The following CTNNA2 variants were observed in gnomAD, a reference collection of about 807,000 sequenced individuals.
CTNNA2 encodes catenin alpha-2.
Under a neutral mutation model 101.0 loss-of-function variants are expected in CTNNA2, and 42 were observed. The ratio of observed to expected loss-of-function variants is 0.42; its 90% CI spans 0.32 to 0.54. CTNNA2 has a LOEUF of 0.54. Among genes scored for constraint, CTNNA2 ranks in the 20% least tolerant of loss-of-function variants. The pLI is 0.14. For synonymous variants in CTNNA2, 450 were observed against 456.4 expected, an observed-to-expected ratio of 0.99 and a Z score of 0.18; for missense variants, 871 against 1,223.1, an observed-to-expected ratio of 0.71 and a Z score of 4.29.
At chr2:79,891,380 A>T (rs1236779236) in intron 6 of CTNNA2, among the ~76,000 whole-genome samples, 1 of 152,234 alleles carries the variant, frequency 6.6e-6, no homozygotes. Flanking sequence ...TATATATTTC[A>T]AAGATTTTAA....
intron 4 of CTNNA2, among the ~76,000 whole-genome samples, chr2:79,386,491 C>G (rs1050619752): frequency 6.6e-6 from 1 of 152,198 alleles, no homozygotes; most frequent in South Asian, 2.1e-4. Flanking sequence ...CCACAATATC[C>G]TCCTCTAAAA....
intron 9 of CTNNA2, among the ~76,000 whole-genome samples, chr2:80,431,695 C>G (rs1681523503): frequency 6.6e-6 from 1 of 152,116 alleles, no homozygotes; most frequent in African/African-American, 2.4e-5. Context: ...TATTGTACTC[C>G]CATAACTTAG....
At chr2:79,908,372 C>T (rs1341557575) in intron 6 of CTNNA2, among the ~76,000 whole-genome samples, 1 of 152,120 alleles carries the variant, frequency 6.6e-6, no homozygotes. Context: ...GGCAATTGCA[C>T]CATAGTATTC....
chr2:80,255,284 A>C (rs1047020026), intron 7 of CTNNA2, among the ~76,000 whole-genome samples: 1 of 152,138 alleles, frequency 6.6e-6, no homozygotes, highest in Non-Finnish European at 1.5e-5. Context: ...TTAAGAACAG[A>C]ACGTGTGATT....
intron 1 of CTNNA2, among the ~76,000 whole-genome samples, chr2:79,590,198 T>C (rs1394058495): frequency 6.6e-6 from 1 of 152,210 alleles, no homozygotes; most frequent in Admixed American, 6.5e-5. Context: ...GAGCTTTTCC[T>C]CTAGCAACTT....
chr2:79,964,859 A>G (rs2974132), intron 7 of CTNNA2, among the ~76,000 whole-genome samples: 89,853 of 151,978 alleles, frequency 0.59, 26,956 homozygotes, highest in African/African-American at 0.67. Context: ...ATGATAACCC[A>G]GGGATCCCCT....
intron 3 of CTNNA2, among the ~76,000 whole-genome samples, chr2:79,329,948 G>A (rs1676833419): frequency 1.3e-5 from 2 of 152,136 alleles, no homozygotes; most frequent in African/African-American, 4.8e-5. Flanking sequence ...CAGGGTGGGT[G>A]CCTCCAAGGC....
At chr2:79,523,002 T>C (rs1227968096) in intron 1 of CTNNA2, among the ~76,000 whole-genome samples, 2 of 152,108 alleles carry the variant, frequency 1.3e-5, no homozygotes, top group African/African-American at 4.8e-5. Context: ...TGAATTTCTT[T>C]CCCCCCGTGA....
At chr2:79,653,034 C>T (rs544779468) in intron 2 of CTNNA2, among the ~76,000 whole-genome samples, 1 of 152,144 alleles carries the variant, frequency 6.6e-6, no homozygotes, top group East Asian at 1.9e-4. Flanking sequence ...TCCCAAAATG[C>T]AATGGAGGGA....
chr2:80,448,829 G>A (rs1264863492), intron 9 of CTNNA2, among the ~76,000 whole-genome samples: 1 of 152,064 alleles, frequency 6.6e-6, no homozygotes, highest in African/African-American at 2.4e-5. Context: ...TGAAATGGTG[G>A]CTTGACAGGG....
At chr2:79,609,729 A>C (rs1158363197) in intron 1 of CTNNA2, among the ~76,000 whole-genome samples, 2 of 152,122 alleles carry the variant, frequency 1.3e-5, no homozygotes, top group African/African-American at 4.8e-5. Flanking sequence ...ATGGTGCCGG[A>C]ACAGTTGTAT....
At chr2:79,193,277 A>G (rs1673898735) in intron 1 of CTNNA2, among the ~76,000 whole-genome samples, 1 of 152,172 alleles carries the variant, frequency 6.6e-6, no homozygotes, top group Non-Finnish European at 1.5e-5. Context: ...CACATGCCTC[A>G]TAATGTTTTG....
intron 7 of CTNNA2, among the ~76,000 whole-genome samples, chr2:80,235,758 G>A (rs997539299): frequency 3.3e-5 from 5 of 152,132 alleles, no homozygotes; most frequent in African/African-American, 9.7e-5. Context: ...CCTTAGGGTC[G>A]CACCATAAAT....
intron 3 of CTNNA2, among the ~76,000 whole-genome samples, chr2:79,810,532 T>C (rs1009886194): frequency 1.3e-5 from 2 of 151,954 alleles, no homozygotes; most frequent in South Asian, 2.1e-4. Context: ...TTTTCTTTTT[T>C]TTTTTTTGTT....
intron 4 of CTNNA2, among the ~76,000 whole-genome samples, chr2:79,445,636 A>G (rs1275881880): frequency 6.6e-6 from 1 of 152,142 alleles, no homozygotes; most frequent in Non-Finnish European, 1.5e-5. Flanking sequence ...GTTCTAAGCT[A>G]TTAATTGTGG....
intron 9 of CTNNA2, among the ~76,000 whole-genome samples, chr2:80,438,046 A>G (rs1453514769): frequency 6.6e-6 from 1 of 152,170 alleles, no homozygotes; most frequent in South Asian, 2.1e-4. Flanking sequence ...ACACACACTG[A>G]GTGGCTTAAA....
At chr2:79,908,783 C>T (rs1268252308) in intron 6 of CTNNA2, among the ~76,000 whole-genome samples, 1 of 152,108 alleles carries the variant, frequency 6.6e-6, no homozygotes, top group African/African-American at 2.4e-5. Flanking sequence ...TCCAAATACC[C>T]CTGACATTTA....
chr2:79,980,623 C>T (rs1156896187), intron 7 of CTNNA2, among the ~76,000 whole-genome samples: 3 of 151,884 alleles, frequency 2.0e-5, no homozygotes, highest in Non-Finnish European at 1.5e-5. Context: ...TATTTAAAAT[C>T]GTTTTTAAGA....
intron 4 of CTNNA2, among the ~76,000 whole-genome samples, chr2:79,419,826 G>A (rs1181968931): frequency 1.3e-5 from 2 of 152,112 alleles, no homozygotes; most frequent in African/African-American, 4.8e-5. Context: ...GCCCCAGTAT[G>A]ACACTGGAAG....
Sources: allele counts gnomAD v4.1 joint callset (sites outside exome capture counted in the v4.1 genomes callset), GRCh38; gene constraint gnomAD v4.1.1; transcripts MANE v1.5; gene names NCBI Gene and HGNC (gene_info 2026-07-23, HGNC 2026-07-21).